The following RAB3C variants were observed in gnomAD, a reference collection of about 807,000 sequenced individuals.
RAB3C encodes RAB3C, member RAS oncogene family, also known as ras-related protein Rab-3C.
A neutral mutation model predicts 26.4 loss-of-function variants in RAB3C; 17 were observed. The observed-to-expected ratio is 0.64, with a 90% CI of 0.44 to 0.97. The LOEUF is 0.97. Among genes scored for constraint, RAB3C ranks in the 50% least tolerant of loss-of-function variants. The pLI, the probability that RAB3C is intolerant of heterozygous loss-of-function variation, is 0.00. For missense variants in RAB3C, 242 were observed against 281.9 expected, an observed-to-expected ratio of 0.86 and a Z score of 1.01; for synonymous variants, 91 against 95.9, an observed-to-expected ratio of 0.95 and a Z score of 0.30.
Position 58,643,232 on chromosome 5 carries a change from AAAAGAACATTGTCCTTTTAAGCTG to A in RAB3C, c.252+25407_252+25430del, listed in dbSNP as rs528923874. On this transcript the variant is annotated intron_variant, in intron 2 of 4. Coordinates refer to ENST00000282878, the MANE Select transcript of RAB3C (RefSeq NM_138453.4). ...GCAGATAATTAGAGTCATAACAGCT[AAAAGAACATTGTCCTTTTAAGCTG>A]AAAGAACATTGTCCTTTTAAGCTGA... Among the ~76,000 whole-genome samples, 47 of 152,350 alleles carry A rather than the reference AAAAGAACATTGTCCTTTTAAGCTG, an allele frequency of 3.1e-4. No homozygotes were observed. The Middle Eastern group carries it at 0.02, about 66-fold the overall frequency.
intron 3 of RAB3C, among the ~76,000 whole-genome samples, chr5:58,810,879 G>A (rs543257673): frequency 3.3e-5 from 5 of 152,320 alleles, no homozygotes; most frequent in South Asian, 2.1e-4. Context: ...TTACAGGCAT[G>A]AGCCACCGTG....
intron 3 of RAB3C, among the ~76,000 whole-genome samples, chr5:58,778,801 T>C (rs1029900660): frequency 3.9e-5 from 6 of 152,128 alleles, no homozygotes; most frequent in South Asian, 4.1e-4. Flanking sequence ...TCCTCTTCCA[T>C]GTGCACTGTA....
At chr5:58,806,310 C>T (rs1295480310) in intron 3 of RAB3C, among the ~76,000 whole-genome samples, 1 of 152,126 alleles carries the variant, frequency 6.6e-6, no homozygotes, top group Non-Finnish European at 1.5e-5. Flanking sequence ...GTTCCTAGTA[C>T]ATAGTAAGTG....
At chr5:58,765,930 T>C (rs1741891527) in intron 3 of RAB3C, among the ~76,000 whole-genome samples, 1 of 152,052 alleles carries the variant, frequency 6.6e-6, no homozygotes, top group South Asian at 2.1e-4. Context: ...TTTAAAAGTG[T>C]GTAGCACCTC....
At position 58,851,685 on chromosome 5, in the gene RAB3C, C is replaced by A. The variant is rs1253417468; in HGVS notation, c.*334C>A. On this transcript the variant is annotated 3_prime_UTR_variant, in exon 5 of 5. Coordinates refer to ENST00000282878, the MANE Select transcript of RAB3C (RefSeq NM_138453.4). Reference sequence around the variant, plus strand: ...AATCTCACTACAACTGGCTTTTGTCCCATTGATTCAAATTATGCTATTCAC... The same window carrying A: ...AATCTCACTACAACTGGCTTTTGTCACATTGATTCAAATTATGCTATTCAC... 1.9e-5 allele frequency: 4 copies of A among 207,630 alleles called. No individual in the cohort carries two copies. Among genetic ancestry groups the A allele is most frequent in the Non-Finnish European group, 3.8e-5 (4 of 104,384 alleles). The allele number at this position is 207,630 out of a possible 1,614,324, so 12.9% of individuals were successfully genotyped here.
intron 2 of RAB3C, among the ~76,000 whole-genome samples, chr5:58,647,385 C>G (rs1747542631): frequency 6.6e-6 from 1 of 152,120 alleles, no homozygotes; most frequent in Non-Finnish European, 1.5e-5. Context: ...AAAGGAGGAA[C>G]TTGCCAAACA....
intron 1 of RAB3C, among the ~76,000 whole-genome samples, chr5:58,613,791 C>T (rs563906788): frequency 1.3e-3 from 199 of 152,134 alleles, no homozygotes; most frequent in African/African-American, 4.8e-3. Flanking sequence ...GAAGAGGTGT[C>T]AGTTTTAACC....
chr5:58,703,613 T>G (rs375816530), intron 2 of RAB3C, among the ~76,000 whole-genome samples: 229 of 152,352 alleles, frequency 1.5e-3, no homozygotes, highest in Admixed American at 3.1e-3. Context: ...GTTTTACTTT[T>G]TTCAAGCTAC....
chr5:58,765,586 T>G (rs1741884186), intron 3 of RAB3C, among the ~76,000 whole-genome samples: 1 of 152,234 alleles, frequency 6.6e-6, no homozygotes, highest in African/African-American at 2.4e-5. Context: ...GGAATCATAT[T>G]AAGCATATTG....
intron 2 of RAB3C, among the ~76,000 whole-genome samples, chr5:58,696,751 T>C (rs1034687768): frequency 6.6e-6 from 1 of 152,244 alleles, no homozygotes. Context: ...TGTATTTCTA[T>C]GGGATTGCTG....
At chr5:58,603,477 C>A (rs1165493306) in intron 1 of RAB3C, among the ~76,000 whole-genome samples, 1 of 152,086 alleles carries the variant, frequency 6.6e-6, no homozygotes, top group Non-Finnish European at 1.5e-5. Flanking sequence ...TTAACATAAT[C>A]CCAGACCCCT....
intron 2 of RAB3C, among the ~76,000 whole-genome samples, chr5:58,675,615 CTTTTTTTTTTT>C (rs1195191076): frequency 1.1e-5 from 1 of 89,402 alleles, no homozygotes; most frequent in Non-Finnish European, 2.4e-5. Flanking sequence ...GGCCATTTGT[CTTTTTTTTTTT>C]TTTTTTTTTT....
Position 58,859,266 on chromosome 5 carries a change from A to G in RAB3C, c.*7915A>G, listed in dbSNP as rs1312583592. 2.6e-5 allele frequency: 4 copies of G among 152,196 alleles called. No homozygotes were observed. The highest frequency in any genetic ancestry group is 7.2e-5 in the African/African-American group (3 of 41,448). The allele number at this position is 152,196 out of a possible 1,614,324, so 9.4% of individuals were successfully genotyped here. A position where few individuals can be genotyped will look rare whatever the true frequency, so the allele number is the denominator to read the frequency against. The stretch of plus-strand genomic sequence containing the variant: ...TTATCTTTATTGAAATTAATTGTGT[A>G]AAAATGGTATGTGCTCTATTAGGTA... On this transcript the variant is annotated 3_prime_UTR_variant, in exon 5 of 5. Transcript: ENST00000282878.
At chr5:58,695,385 A>C (rs991631129) in intron 2 of RAB3C, among the ~76,000 whole-genome samples, 1 of 152,188 alleles carries the variant, frequency 6.6e-6, no homozygotes, top group Non-Finnish European at 1.5e-5. Context: ...CTTTTTGCTT[A>C]GGATTGTTTT....
chr5:58,634,124 G>C (rs574829152), intron 2 of RAB3C, among the ~76,000 whole-genome samples: 3 of 148,276 alleles, frequency 2.0e-5, no homozygotes, highest in Non-Finnish European at 1.5e-5. Flanking sequence ...TTGGGCAACA[G>C]AGCAAGACTC....
intron 2 of RAB3C, among the ~76,000 whole-genome samples, chr5:58,687,150 C>T (rs1448271040): frequency 2.0e-5 from 3 of 152,184 alleles, no homozygotes; most frequent in Admixed American, 6.6e-5. Flanking sequence ...TATCCATCTT[C>T]GTGAGTTGAA....
At chr5:58,657,106 C>A (rs1415577338) in intron 2 of RAB3C, among the ~76,000 whole-genome samples, 1 of 152,126 alleles carries the variant, frequency 6.6e-6, no homozygotes, top group Non-Finnish European at 1.5e-5. Context: ...AGATTGGACA[C>A]TATTATTCTG....
At chr5:58,665,326 A>G (rs573365037) in intron 2 of RAB3C, among the ~76,000 whole-genome samples, 1 of 152,270 alleles carries the variant, frequency 6.6e-6, no homozygotes, top group East Asian at 1.9e-4. Context: ...GTAATACCTG[A>G]TAGCCATTAG....
chr5:58,604,938 G>A (rs1746529344), intron 1 of RAB3C, among the ~76,000 whole-genome samples: 1 of 152,170 alleles, frequency 6.6e-6, no homozygotes, highest in Non-Finnish European at 1.5e-5. Flanking sequence ...TCCCTGTGGT[G>A]CCAGGCAGGA....
Sources: allele counts gnomAD v4.1 joint callset (sites outside exome capture counted in the v4.1 genomes callset), GRCh38; gene constraint gnomAD v4.1.1; transcripts MANE v1.5; gene names NCBI Gene and HGNC (gene_info 2026-07-23, HGNC 2026-07-21).